CPED1: variants seen among roughly 807,000 people sequenced by gnomAD.
CPED1 encodes the protein cadherin like and PC-esterase domain containing 1, also known as cadherin-like and PC-esterase domain-containing protein 1.
A neutral mutation model predicts 128.2 loss-of-function variants in CPED1; 114 were observed. The observed-to-expected ratio is 0.89, with a 90% CI of 0.76 to 1.04. The LOEUF is 1.04. CPED1 is among the 50% of genes least tolerant of loss of function. CPED1 has a pLI of 0.00. For missense variants in CPED1, 1,211 were observed against 1,207.1 expected (o/e 1.00, Z -0.05); for synonymous variants, 462 against 426.7 (o/e 1.08, Z -1.02).
chr7:121,025,925 TG>T (rs1792568358), intron 3 of CPED1, among the ~76,000 whole-genome samples: 1 of 152,166 alleles, frequency 6.6e-6, no homozygotes, highest in South Asian at 2.1e-4. Flanking sequence ...CGCCTCAACA[TG>T]TATAAAACAC....
In CPED1 at chr7:121,296,774, C is replaced by A. The variant is rs1031808419; in HGVS notation, c.*1122C>A. Reference sequence around the variant, plus strand: ...TCTTTAGGTTCAAAATGGTGAATTTCTTTATTATATGAATGCTTTGTTGTG... The same window carrying A: ...TCTTTAGGTTCAAAATGGTGAATTTATTTATTATATGAATGCTTTGTTGTG... On this transcript the variant is annotated 3_prime_UTR_variant, in exon 23 of 23. Transcript: ENST00000310396. 6.6e-6 allele frequency: 1 copy of A among 152,188 alleles called. No individual in the cohort carries two copies. The highest frequency in any genetic ancestry group is 1.5e-5 in the Non-Finnish European group (1 of 67,912). 9.4% of individuals were successfully genotyped at this position (152,188 alleles called of 1,614,324 possible). A position where few individuals can be genotyped will look rare whatever the true frequency, so the allele number is the denominator to read the frequency against.
At chr7:121,002,085 G>A (rs1203368677) in intron 2 of CPED1, among the ~76,000 whole-genome samples, 3 of 152,076 alleles carry the variant, frequency 2.0e-5, no homozygotes, top group African/African-American at 7.2e-5. Flanking sequence ...CAAATGCCAA[G>A]TTATAAAGTT....
intron 3 of CPED1, 28 bp from the exon 4 acceptor site, chr7:121,046,859 T>C: frequency 2.8e-6 from 4 of 1,420,444 alleles, no homozygotes; most frequent in East Asian, 2.3e-5. Flanking sequence ...TGAAAACTTA[T>C]TTGTTTTGAA....
intron 7 of CPED1, 70 bp downstream of exon 7, chr7:121,100,164 A>G: frequency 7.4e-7 from 1 of 1,360,256 alleles, no homozygotes; most frequent in Admixed American, 1.9e-5. Flanking sequence ...TTGGGCTGCC[A>G]TTTTCCCACC....
At chr7:121,252,155 C>T (rs549928513) in intron 18 of CPED1, among the ~76,000 whole-genome samples, 16,156 of 147,668 alleles carry the variant, frequency 0.11, 1,298 homozygotes, top group African/African-American at 0.23. Flanking sequence ...TCAGAAATAA[C>T]GCCGCATATC....
intron 5 of CPED1, among the ~76,000 whole-genome samples, chr7:121,068,595 T>C (rs939745325): frequency 1.3e-4 from 19 of 151,604 alleles, no homozygotes; most frequent in South Asian, 2.1e-4. Flanking sequence ...CTTGGCAATG[T>C]GGGCTCTTTT....
rs75043762 is a variant in CPED1 at position 121,036,252 on chromosome 7, G to A, written c.434-10635G>A. Among the ~76,000 whole-genome samples, 483 of 152,104 alleles carry A rather than the reference G, an allele frequency of 3.2e-3. 4 individuals carry two copies. Among genetic ancestry groups the A allele is most frequent in the African/African-American group, 0.011 (436 of 41,494 alleles). ...AAGCAGTGTATACTGTACCCAATGC[G>A]TAGTCTTTTCTCTTTCACCATCCCC... On this transcript the variant is annotated intron_variant, in intron 3 of 22. Coordinates refer to ENST00000310396, the MANE Select transcript of CPED1 (RefSeq NM_024913.5).
intron 7 of CPED1, among the ~76,000 whole-genome samples, chr7:121,100,766 G>A (rs536888359): frequency 1.3e-5 from 2 of 152,030 alleles, no homozygotes; most frequent in Non-Finnish European, 2.9e-5. Flanking sequence ...AAATAGAAAT[G>A]GAAAGAATGC....
At chr7:120,993,927 G>A in intron 2 of CPED1, 1 of 308,672 alleles carries the variant, frequency 3.2e-6, no homozygotes, top group Admixed American at 3.8e-5. Flanking sequence ...TCTCAGGGCA[G>A]CCACTAGAGA....
intron 5 of CPED1, among the ~76,000 whole-genome samples, chr7:121,066,656 G>A (rs1793836956): frequency 6.6e-6 from 1 of 152,050 alleles, no homozygotes. Flanking sequence ...TCAGTTTCAT[G>A]GTTATTGGTA....
At chr7:121,027,060 C>T (rs139454773) in intron 3 of CPED1, among the ~76,000 whole-genome samples, 140 of 149,440 alleles carry the variant, frequency 9.4e-4, no homozygotes, top group Non-Finnish European at 1.6e-3. Context: ...AGACTGGTGT[C>T]GAACTACTGG....
At chr7:121,171,175 A>G (rs1382583925) in intron 16 of CPED1, among the ~76,000 whole-genome samples, 1 of 152,196 alleles carries the variant, frequency 6.6e-6, no homozygotes, top group Non-Finnish European at 1.5e-5. Flanking sequence ...TGATTGTTAA[A>G]TAATTTCTAA....
At chr7:121,060,708 C>T (rs1793638701) in intron 4 of CPED1, among the ~76,000 whole-genome samples, 1 of 152,208 alleles carries the variant, frequency 6.6e-6, no homozygotes, top group Non-Finnish European at 1.5e-5. Flanking sequence ...CTCTACCAGG[C>T]TCTACCAATC....
intron 16 of CPED1, among the ~76,000 whole-genome samples, chr7:121,224,949 AATTGGGGCATTTAGCCC>A (rs1423306388): frequency 6.6e-6 from 1 of 152,032 alleles, no homozygotes; most frequent in Non-Finnish European, 1.5e-5. Context: ...TGTGTCTTTT[AATTGGGGCATTTAGCCC>A]ATTTACATTT....
intron 4 of CPED1, among the ~76,000 whole-genome samples, chr7:121,063,761 A>C (rs761036871): frequency 4.6e-5 from 7 of 152,102 alleles, no homozygotes; most frequent in Non-Finnish European, 1.0e-4. Context: ...ATTTATGATA[A>C]TATTTACAAA....
Position 121,267,299 on chromosome 7 carries a change from A to C in CPED1, c.2718A>C (p.Thr906=). 1 of 1,553,946 alleles carries C rather than the reference A, an allele frequency of 6.4e-7. No homozygotes were observed. Among genetic ancestry groups the C allele is most frequent in the Non-Finnish European group, 8.8e-7 (1 of 1,137,762 alleles). The stretch of plus-strand genomic sequence containing the variant: ...CAGTGGATGGAGTACATTTCTTAAC[A>C]CAGGTAAGCACATTTCCTCTGGGCT... ...HLPVDGVHFL[T]QSEVQNLWKE... The change falls in exon 21 of 23, where the codon ACA becomes ACC. Residue 906 remains threonine, a synonymous_variant. Transcript: ENST00000310396.
At chr7:121,279,599 A>C (rs1250213273) in intron 22 of CPED1, among the ~76,000 whole-genome samples, 1 of 152,164 alleles carries the variant, frequency 6.6e-6, no homozygotes, top group Non-Finnish European at 1.5e-5. Flanking sequence ...TGAGTGAGGC[A>C]TACTTGCTGT....
intron 16 of CPED1, among the ~76,000 whole-genome samples, chr7:121,209,042 T>TTTG (rs954611761): frequency 7.2e-5 from 11 of 151,930 alleles, no homozygotes; most frequent in African/African-American, 2.7e-4. Context: ...AAGGAATGAT[T>TTTG]TTGTTGTTGT....
chr7:121,272,696 A>C (rs2116757851), intron 22 of CPED1, among the ~76,000 whole-genome samples: 1 of 152,248 alleles, frequency 6.6e-6, no homozygotes, highest in Admixed American at 6.5e-5. Context: ...TTCCCAGTGA[A>C]GCTTTCTCTC....
Sources: allele counts gnomAD v4.1 joint callset (sites outside exome capture counted in the v4.1 genomes callset), GRCh38; gene constraint gnomAD v4.1.1; transcripts MANE v1.5; gene names NCBI Gene and HGNC (gene_info 2026-07-23, HGNC 2026-07-21).